LTBP1: variants seen among roughly 807,000 people sequenced by gnomAD.
LTBP1 encodes the protein latent-transforming growth factor beta-binding protein 1.
In LTBP1, 129 loss-of-function variants were observed where a neutral mutation model predicts 207.6. The ratio of observed to expected loss-of-function variants is 0.62; its 90% CI spans 0.54 to 0.72. The LOEUF is 0.72. Ranked by LOEUF, LTBP1 falls within the 30% of genes least tolerant of loss-of-function variation. The probability of loss-of-function intolerance (pLI) is 0.00; values close to 1 mark genes in which losing one functional copy is unlikely to be tolerated. For missense variants in LTBP1, 2,281 were observed against 2,217.2 expected (o/e 1.03, Z -0.58); for synonymous variants, 963 against 833.7 (o/e 1.16, Z -2.67).
At chr2:33,301,928 A>G (rs1292878394) in intron 22 of LTBP1, among the ~76,000 whole-genome samples, 2 of 152,244 alleles carry the variant, frequency 1.3e-5, no homozygotes, top group East Asian at 3.8e-4. Flanking sequence ...CTGGGTACAT[A>G]GTTCTGAACT....
rs1015355655 is a variant in LTBP1 at position 33,134,167 on chromosome 2, C to G, written c.1034-626C>G. The stretch of plus-strand genomic sequence containing the variant: ...AAACAAAATATATGTTGCCTAAATT[C>G]TTATGGAGAAATAGTGCCCTGGAGT... On this transcript the variant is annotated intron_variant, in intron 4 of 33. Transcript: ENST00000404816. This position sits in a 1 kb window ranked among gnomAD's most constrained non-coding sequence, Gnocchi z 4.4. 2.0e-5 allele frequency among the ~76,000 whole-genome samples: 3 copies of G among 152,290 alleles called. No individual in the cohort carries two copies. The highest frequency in any genetic ancestry group is 1.5e-5 in the Non-Finnish European group (1 of 68,018).
At chr2:33,256,786 T>C in intron 11 of LTBP1, among the ~76,000 whole-genome samples, 1 of 114,560 alleles carries the variant, frequency 8.7e-6, no homozygotes, top group Non-Finnish European at 1.8e-5. Context: ...ATAGTTACCC[T>C]CTGTATCCAT....
chr2:33,359,637 TAGTC>T (rs1383965462), intron 26 of LTBP1, among the ~76,000 whole-genome samples: 5 of 152,182 alleles, frequency 3.3e-5, no homozygotes, highest in African/African-American at 1.2e-4. Context: ...ATTATGACAG[TAGTC>T]AGCTTCTTAT....
intron 26 of LTBP1, among the ~76,000 whole-genome samples, chr2:33,354,194 C>T (rs1307339952): frequency 6.6e-6 from 1 of 152,050 alleles, no homozygotes; most frequent in East Asian, 1.9e-4. Context: ...AGGCAGGAAG[C>T]CACATGTGAC....
chr2:33,259,952 A>C (rs1014782835), intron 13 of LTBP1, among the ~76,000 whole-genome samples: 1 of 152,214 alleles, frequency 6.6e-6, no homozygotes, highest in African/African-American at 2.4e-5. Flanking sequence ...CTGTGAAAGA[A>C]AGGCTGTGAC....
chr2:33,169,382 AG>A (rs1462450169), intron 5 of LTBP1, among the ~76,000 whole-genome samples: 1 of 152,222 alleles, frequency 6.6e-6, no homozygotes, highest in Non-Finnish European at 1.5e-5. Flanking sequence ...GCTTATCTTT[AG>A]AAAATAGGAA....
At chr2:33,284,542 A>G (rs1332305324) in intron 19 of LTBP1, among the ~76,000 whole-genome samples, 4 of 152,012 alleles carry the variant, frequency 2.6e-5, no homozygotes, top group South Asian at 2.1e-4. Context: ...TTTAATGACT[A>G]TTTCATCACT....
intron 9 of LTBP1, among the ~76,000 whole-genome samples, chr2:33,238,817 A>C (rs942612401): frequency 2.6e-5 from 4 of 152,234 alleles, no homozygotes; most frequent in Non-Finnish European, 5.9e-5. Flanking sequence ...GGTGTGCTAT[A>C]GAAATGTAAA....
At chr2:33,261,011 T>C (rs913084443) in intron 13 of LTBP1, among the ~76,000 whole-genome samples, 2 of 152,158 alleles carry the variant, frequency 1.3e-5, no homozygotes, top group Admixed American at 1.3e-4. Flanking sequence ...CATGATGTTA[T>C]GTGATGGATG....
intron 5 of LTBP1, among the ~76,000 whole-genome samples, chr2:33,175,203 C>T (rs1479884698): frequency 6.6e-6 from 1 of 150,792 alleles, no homozygotes; most frequent in Non-Finnish European, 1.5e-5. Context: ...AAGAAACTAC[C>T]ATCAGAGTGA....
chr2:33,321,874 C>A (rs1010530179), intron 24 of LTBP1, among the ~76,000 whole-genome samples: 8 of 152,170 alleles, frequency 5.3e-5, no homozygotes. Context: ...ATACAACATT[C>A]TAGGTAAAGA....
At chr2:33,250,933 C>T (rs1057509881) in intron 10 of LTBP1, among the ~76,000 whole-genome samples, 18 of 152,180 alleles carry the variant, frequency 1.2e-4, no homozygotes, top group Admixed American at 7.9e-4. Flanking sequence ...GGTTGTCTCA[C>T]CACTGCTGCT....
intron 2 of LTBP1, among the ~76,000 whole-genome samples, chr2:33,002,149 T>C (rs1686130792): frequency 1.2e-5 from 1 of 81,402 alleles, no homozygotes; most frequent in Admixed American, 1.4e-4. Context: ...CTATAATTAT[T>C]GTTATATTAA....
At chr2:33,319,278 A>T (rs949844590) in intron 24 of LTBP1, among the ~76,000 whole-genome samples, 11 of 151,944 alleles carry the variant, frequency 7.2e-5, no homozygotes, top group African/African-American at 2.4e-4. Context: ...GGCACCTGTC[A>T]TCCCAGCTAC....
Position 33,220,607 on chromosome 2 carries a change from C to T in LTBP1, c.1805-1473C>T, listed in dbSNP as rs143596575. Among the ~76,000 whole-genome samples the T allele has an allele frequency of 1.0e-3, 157 of 152,324 alleles. 4 individuals carry two copies. In the East Asian group the frequency reaches 0.03, roughly 29 times the overall value. On this transcript the variant is annotated intron_variant, in intron 8 of 33. Coordinates refer to ENST00000404816, the MANE Select transcript of LTBP1 (RefSeq NM_206943.4). ...GCTGAGGAGGACTGTAAGAGATTGC[C>T]TGGTCTGGCTCTCTGCCTTCAAGTA...
chr2:33,294,006 T>TTC (rs897449775), intron 20 of LTBP1, among the ~76,000 whole-genome samples: 1 of 133,116 alleles, frequency 7.5e-6, no homozygotes, highest in African/African-American at 2.8e-5. Context: ...TTTTTTTTTT[T>TTC]TTTTTTTTTT....
At position 33,399,291 on chromosome 2, in the gene LTBP1, T is replaced by C. The variant is rs1015487312; in HGVS notation, c.*746T>C. The C allele has an allele frequency of 2.0e-5, 3 of 152,210 alleles. No individual in the cohort carries two copies. Among genetic ancestry groups the C allele is most frequent in the African/African-American group, 7.2e-5 (3 of 41,460 alleles). 9.4% of individuals were successfully genotyped at this position (152,210 alleles called of 1,614,324 possible). On this transcript the variant is annotated 3_prime_UTR_variant, in exon 34 of 34. Coordinates refer to ENST00000404816, the MANE Select transcript of LTBP1 (RefSeq NM_206943.4). ...ATATGTAAAGTAAGCCCAACAAAAATTTTTAAAAATTTGATGATCCCCAAT... is the reference window on the plus strand; with the variant it reads ...ATATGTAAAGTAAGCCCAACAAAAACTTTTAAAAATTTGATGATCCCCAAT...
intron 2 of LTBP1, among the ~76,000 whole-genome samples, chr2:32,969,771 A>G (rs1680581539): frequency 6.6e-6 from 1 of 152,190 alleles, no homozygotes; most frequent in South Asian, 2.1e-4. Context: ...AATGATATAT[A>G]TTCTGGGTAT....
intron 3 of LTBP1, among the ~76,000 whole-genome samples, chr2:33,072,086 C>T (rs2077820496): frequency 6.6e-6 from 1 of 152,202 alleles, no homozygotes; most frequent in Non-Finnish European, 1.5e-5. Context: ...AACTTCTGAC[C>T]AACCAGTGTC....
Sources: allele counts gnomAD v4.1 joint callset (sites outside exome capture counted in the v4.1 genomes callset), GRCh38; gene constraint gnomAD v4.1.1; non-coding constraint Gnocchi (gnomAD v3.1); transcripts MANE v1.5; gene names NCBI Gene and HGNC (gene_info 2026-07-23, HGNC 2026-07-21).